Variants in EXOC4 observed in about 807,000 individuals in gnomAD.
The protein encoded by EXOC4 is exocyst complex component 4.
A neutral mutation model predicts 107.2 loss-of-function variants in EXOC4; 71 were observed. The observed-to-expected ratio is 0.66, with a 90% CI of 0.55 to 0.81. The LOEUF (loss-of-function observed/expected upper bound fraction) is 0.81, where lower values mean the gene tolerates loss of function less well. Among genes scored for constraint, EXOC4 ranks in the 30% least tolerant of loss-of-function variants. EXOC4 has a pLI of 0.00. For synonymous variants in EXOC4, 456 were observed against 441.2 expected (o/e 1.03, Z -0.42); for missense variants, 1,108 against 1,189.6 (o/e 0.93, Z 1.01).
chr7:134,073,558 G>C, the EXOC4 span, among the ~76,000 whole-genome samples: 2 of 152,072 alleles, frequency 1.3e-5, no homozygotes, highest in Non-Finnish European at 2.9e-5. Flanking sequence ...CCTGAGGTTT[G>C]AGTTTGCTGT....
At chr7:133,953,312 C>T (rs1021533938) in intron 14 of EXOC4, among the ~76,000 whole-genome samples, 35 of 151,832 alleles carry the variant, frequency 2.3e-4, no homozygotes, top group Admixed American at 1.3e-3. Context: ...TTTGGCCAGG[C>T]GGTGGCCAGG....
At chr7:133,701,321 A>T (rs979956199) in intron 10 of EXOC4, among the ~76,000 whole-genome samples, 1 of 152,236 alleles carries the variant, frequency 6.6e-6, no homozygotes, top group Non-Finnish European at 1.5e-5. Context: ...ATTGCCTTAA[A>T]TATTTTAATG....
chr7:134,088,443 T>C, the EXOC4 span, among the ~76,000 whole-genome samples: 1 of 152,282 alleles, frequency 6.6e-6, no homozygotes, highest in East Asian at 1.9e-4. Flanking sequence ...TGTAAATAGC[T>C]TAAAAGAATT....
intron 1 of EXOC4, chr7:133,253,980 A>G (rs1794953617): frequency 6.6e-6 from 1 of 152,178 alleles, no homozygotes; most frequent in Non-Finnish European, 1.5e-5. Context: ...CAATCTAAAT[A>G]AAATTTATTA....
At chr7:133,486,267 G>A (rs762212611) in intron 9 of EXOC4, among the ~76,000 whole-genome samples, 6 of 152,062 alleles carry the variant, frequency 3.9e-5, no homozygotes, top group Middle Eastern at 3.2e-3. Flanking sequence ...CTCTTCGGGG[G>A]TGTCTTGCCT....
chr7:133,765,359 G>T (rs1337591967), intron 10 of EXOC4, among the ~76,000 whole-genome samples: 2 of 151,972 alleles, frequency 1.3e-5, no homozygotes, highest in Non-Finnish European at 2.9e-5. Flanking sequence ...AAGCTGAATA[G>T]CTGATTCTTT....
intron 9 of EXOC4, among the ~76,000 whole-genome samples, chr7:133,559,922 G>T (rs1010037245): frequency 6.6e-6 from 1 of 152,128 alleles, no homozygotes; most frequent in African/African-American, 2.4e-5. Flanking sequence ...AGCCAGCCCT[G>T]ACCATAACCA....
chr7:133,993,531 T>C (rs772414078), intron 14 of EXOC4, among the ~76,000 whole-genome samples: 4 of 152,198 alleles, frequency 2.6e-5, no homozygotes, highest in Admixed American at 2.0e-4. Context: ...GAGAATATGA[T>C]ACTAGAATTT....
intron 9 of EXOC4, among the ~76,000 whole-genome samples, chr7:133,492,324 C>T (rs987940998): frequency 1.3e-5 from 2 of 151,998 alleles, no homozygotes; most frequent in African/African-American, 4.8e-5. Context: ...ATTTTGGTGT[C>T]TTGGGTAGGT....
At chr7:133,320,688 C>CT (rs1795091401) in intron 5 of EXOC4, among the ~76,000 whole-genome samples, 1 of 152,174 alleles carries the variant, frequency 6.6e-6, no homozygotes, top group Non-Finnish European at 1.5e-5. Flanking sequence ...CTTAAGTTAT[C>CT]TTTAGGAGCA....
intron 5 of EXOC4, among the ~76,000 whole-genome samples, chr7:133,346,758 A>G (rs952493985): frequency 2.0e-5 from 3 of 152,168 alleles, no homozygotes; most frequent in Non-Finnish European, 4.4e-5. Flanking sequence ...TCTTGAATAC[A>G]TGTGATTTAA....
intron 11 of EXOC4, among the ~76,000 whole-genome samples, chr7:133,846,705 A>T (rs1467766897): frequency 6.6e-6 from 1 of 152,246 alleles, no homozygotes; most frequent in Non-Finnish European, 1.5e-5. Context: ...AAGTAGCCAT[A>T]GACAACATAT....
chr7:133,654,267 A>G (rs1181306616), intron 10 of EXOC4, among the ~76,000 whole-genome samples: 3 of 152,188 alleles, frequency 2.0e-5, no homozygotes, highest in Non-Finnish European at 2.9e-5. Flanking sequence ...GAAAGCAGCA[A>G]TACAGCTGAG....
At chr7:133,974,295 T>C (rs1036308682) in intron 14 of EXOC4, among the ~76,000 whole-genome samples, 1 of 152,232 alleles carries the variant, frequency 6.6e-6, no homozygotes, top group Non-Finnish European at 1.5e-5. Context: ...TGTGCTAGGA[T>C]GCAGAATCAT....
At chr7:133,804,233 T>C (rs1211918771) in intron 10 of EXOC4, among the ~76,000 whole-genome samples, 1 of 152,136 alleles carries the variant, frequency 6.6e-6, no homozygotes, top group Non-Finnish European at 1.5e-5. Context: ...AACAGTGATA[T>C]GAGATTATCC....
intron 9 of EXOC4, among the ~76,000 whole-genome samples, chr7:133,481,933 A>G (rs1203680631): frequency 6.6e-6 from 1 of 152,210 alleles, no homozygotes; most frequent in Non-Finnish European, 1.5e-5. Context: ...TGATGATAAC[A>G]GAACATACAT....
intron 11 of EXOC4, among the ~76,000 whole-genome samples, chr7:133,855,479 C>T (rs1798355927): frequency 6.6e-6 from 1 of 152,004 alleles, no homozygotes; most frequent in Admixed American, 6.6e-5. Context: ...GATATCAGCA[C>T]ATTTGGAGAT....
At chr7:133,907,116 C>T (rs1799584437) in intron 12 of EXOC4, among the ~76,000 whole-genome samples, 1 of 152,170 alleles carries the variant, frequency 6.6e-6, no homozygotes, top group African/African-American at 2.4e-5. Context: ...CAAGCTCCAG[C>T]TTGTGATCTG....
At chr7:133,412,532 C>G (rs1164503265) in intron 7 of EXOC4, among the ~76,000 whole-genome samples, 1 of 151,728 alleles carries the variant, frequency 6.6e-6, no homozygotes, top group Non-Finnish European at 1.5e-5. Context: ...CAATTAATCC[C>G]AAACCGCCAT....
Sources: gnomAD v4.1 joint callset for allele counts (sites outside exome capture counted in the v4.1 genomes callset) on GRCh38, gnomAD v4.1.1 for gene constraint, MANE v1.5 for transcripts, NCBI Gene and HGNC (gene_info 2026-07-23, HGNC 2026-07-21) for gene names.